GRK5: variants seen among roughly 807,000 people sequenced by gnomAD.
GRK5 encodes g protein-coupled receptor kinase GRK5.
A neutral mutation model predicts 78.4 loss-of-function variants in GRK5; 40 were observed. The observed-to-expected ratio is 0.51, with a 90% CI of 0.40 to 0.66. The LOEUF (loss-of-function observed/expected upper bound fraction) is 0.66. Among genes scored for constraint, GRK5 ranks in the 30% least tolerant of loss-of-function variants. The pLI is 0.00. For missense variants in GRK5, 598 were observed against 759.9 expected (o/e 0.79, Z 2.50); for synonymous variants, 289 against 296.8 (o/e 0.97, Z 0.27).
chr10:119,257,054 C>T (rs1483438456), intron 1 of GRK5, among the ~76,000 whole-genome samples: 2 of 152,336 alleles, frequency 1.3e-5, no homozygotes, highest in East Asian at 3.9e-4. Context: ...TTGCAGCCTG[C>T]ATCAGTGATT....
chr10:119,258,017 CTG>C (rs1208774376), intron 1 of GRK5, among the ~76,000 whole-genome samples: 2 of 152,154 alleles, frequency 1.3e-5, no homozygotes, highest in African/African-American at 4.8e-5. Flanking sequence ...CGTGTTGTAA[CTG>C]TGTACACCAC....
chr10:119,289,963 A>G (rs1849920696), intron 1 of GRK5, among the ~76,000 whole-genome samples: 3 of 152,176 alleles, frequency 2.0e-5, no homozygotes, highest in Non-Finnish European at 4.4e-5. Context: ...GTACAGAACT[A>G]GGAAAGCTGG....
chr10:119,298,655 T>C (rs1850123367), intron 1 of GRK5, among the ~76,000 whole-genome samples: 1 of 152,126 alleles, frequency 6.6e-6, no homozygotes, highest in South Asian at 2.1e-4. Context: ...AATCCTGTTA[T>C]CAAGAGTGGT....
intron 1 of GRK5, among the ~76,000 whole-genome samples, chr10:119,293,141 A>T (rs932459295): frequency 5.3e-5 from 8 of 152,226 alleles, no homozygotes; most frequent in African/African-American, 1.9e-4. Context: ...TTATGCAGCC[A>T]GGAAGTGGCT....
chr10:119,413,751 G>A (rs544383648), intron 4 of GRK5, among the ~76,000 whole-genome samples: 15 of 152,174 alleles, frequency 9.9e-5, no homozygotes, highest in African/African-American at 3.6e-4. Flanking sequence ...AGCAACAGGA[G>A]TAAAAATTTA....
At chr10:119,273,591 C>T (rs745771416) in intron 1 of GRK5, among the ~76,000 whole-genome samples, 1 of 152,150 alleles carries the variant, frequency 6.6e-6, no homozygotes. Flanking sequence ...GTGGATGGGC[C>T]GCGGCTTTGA....
At chr10:119,312,371 C>T (rs1289045674) in intron 1 of GRK5, among the ~76,000 whole-genome samples, 1 of 152,168 alleles carries the variant, frequency 6.6e-6, no homozygotes, top group African/African-American at 2.4e-5. Context: ...TGTTTTCTCC[C>T]AAGGAGCAGG....
At chr10:119,391,048 C>T (rs1851881036) in intron 3 of GRK5, among the ~76,000 whole-genome samples, 1 of 152,258 alleles carries the variant, frequency 6.6e-6, no homozygotes, top group Admixed American at 6.5e-5. Flanking sequence ...AATTCACAAG[C>T]TGGTGGCTGT....
chr10:119,361,342 GATGGGGAGGCCTCGAGGCCATC>G (rs1210025246), intron 2 of GRK5, among the ~76,000 whole-genome samples: 2 of 152,216 alleles, frequency 1.3e-5, no homozygotes, highest in Non-Finnish European at 2.9e-5. Context: ...TGACTGCCTA[GATGGGGAGGCCTCGAGGCCATC>G]ATGATTCAAC....
rs67973209 is a variant in GRK5 at position 119,420,349 on chromosome 10, C to A, written c.340-2817C>A. Among the ~76,000 whole-genome samples, 451 of 50,638 alleles carry A rather than the reference C, an allele frequency of 8.9e-3. 28 individuals are homozygous for A. The highest frequency in any genetic ancestry group is 0.032 in the Middle Eastern group (2 of 62). 33.2% of individuals were successfully genotyped at this position (50,638 alleles called of 152,430 possible). On this transcript the variant is annotated intron_variant, in intron 4 of 15. Transcript: ENST00000392870. ...AAAGTTTGCTACTAAAACAAACAAA[C>A]AAACAAAAAAAAAAAACAAGAAGAA...
chr10:119,259,258 G>A (rs1849334937), intron 1 of GRK5, among the ~76,000 whole-genome samples: 1 of 151,916 alleles, frequency 6.6e-6, no homozygotes, highest in Non-Finnish European at 1.5e-5. Context: ...TAGAGACGGG[G>A]TTTCACCGTG....
At chr10:119,286,071 C>T (rs1849842698) in intron 1 of GRK5, among the ~76,000 whole-genome samples, 1 of 151,556 alleles carries the variant, frequency 6.6e-6, no homozygotes, top group Admixed American at 6.5e-5. Flanking sequence ...TTATTAACCC[C>T]ACTGTGAATG....
At chr10:119,427,162 A>G (rs1852701416) in intron 6 of GRK5, among the ~76,000 whole-genome samples, 1 of 150,236 alleles carries the variant, frequency 6.7e-6, no homozygotes, top group Admixed American at 6.6e-5. Context: ...TCAATATCCC[A>G]CCGCCATCAT....
At chr10:119,319,663 C>T (rs1190569306) in intron 1 of GRK5, among the ~76,000 whole-genome samples, 1 of 152,240 alleles carries the variant, frequency 6.6e-6, no homozygotes, top group Non-Finnish European at 1.5e-5. Context: ...TTTGGGAAAG[C>T]AAATAAAGCC....
At chr10:119,324,524 A>T (rs1055710932) in intron 1 of GRK5, among the ~76,000 whole-genome samples, 2 of 152,146 alleles carry the variant, frequency 1.3e-5, no homozygotes, top group African/African-American at 4.8e-5. Flanking sequence ...GCTACTCGGG[A>T]GGCTGAGGCA....
intron 3 of GRK5, among the ~76,000 whole-genome samples, chr10:119,393,195 C>T (rs1476529463): frequency 1.3e-5 from 2 of 152,246 alleles, no homozygotes; most frequent in Non-Finnish European, 2.9e-5. Context: ...CCGTTTTCCA[C>T]CTCCCAACAC....
chr10:119,292,325 C>T (rs922910516), intron 1 of GRK5, among the ~76,000 whole-genome samples: 9 of 151,710 alleles, frequency 5.9e-5, no homozygotes, highest in African/African-American at 2.2e-4. Flanking sequence ...TCCTATTCCT[C>T]CTTCTCCTCC....
In GRK5 at chr10:119,452,660, GC is replaced by G. The variant is rs1437427421; in HGVS notation, c.1405-7del. The G allele has an allele frequency of 9.3e-6, 15 of 1,613,710 alleles. No homozygotes were observed. In the Admixed American group the frequency reaches 1.5e-4, roughly 16 times the overall value. ...GGGACATATGTGTGACCGGCCCTCT[GC>G]CCCTGGCAGCCCCGCGCTGTGTACT... On this transcript the variant is annotated splice_polypyrimidine_tract_variant and intron_variant, in intron 13 of 15. Coordinates refer to ENST00000392870, the MANE Select transcript of GRK5 (RefSeq NM_005308.3). The surrounding 1 kb of genome is among the most constrained non-coding windows in gnomAD (Gnocchi z 4.4).
rs143082067 is a variant in GRK5 at position 119,270,427 on chromosome 10, A to C, written c.53-56089A>C. On this transcript the variant is annotated intron_variant, in intron 1 of 15. Coordinates refer to ENST00000392870, the MANE Select transcript of GRK5 (RefSeq NM_005308.3). ...GCAACTGTATACACATAGCACTTAC[A>C]TTGTATTAGGTATTAGAAGTAATCT... 4.4e-4 allele frequency among the ~76,000 whole-genome samples: 67 copies of C among 152,366 alleles called. No homozygotes were observed. In the East Asian group the frequency reaches 0.011, roughly 25 times the overall value.
Sources: allele counts gnomAD v4.1 joint callset (sites outside exome capture counted in the v4.1 genomes callset), GRCh38; gene constraint gnomAD v4.1.1; non-coding constraint Gnocchi (gnomAD v3.1); transcripts MANE v1.5; gene names NCBI Gene and HGNC (gene_info 2026-07-23, HGNC 2026-07-21).